DHRSX: variants seen among roughly 807,000 people sequenced by gnomAD.
The protein encoded by DHRSX is polyprenol dehydrogenase.
Under a neutral mutation model 34.0 loss-of-function variants are expected in DHRSX, and 31 were observed. The observed-to-expected ratio is 0.91, with a 90% CI of 0.69 to 1.23. The LOEUF is 1.23. Ranked by LOEUF, DHRSX falls within the 50% of genes most tolerant of loss-of-function variation. DHRSX has a pLI of 0.00. For missense variants in DHRSX, 414 were observed against 428.1 expected (o/e 0.97, Z 0.29); for synonymous variants, 201 against 183.8 (o/e 1.09, Z -0.76).
chrX:2,291,745 G>T, intron 3 of DHRSX, 142 bp from the exon 4 acceptor site: 1 of 668,764 alleles, frequency 1.5e-6, no homozygotes, highest in Non-Finnish European at 2.7e-6. Flanking sequence ...ATGGAGTCTC[G>T]CTCTGTTGAC....
chrX:2,472,172 C>T (rs2124009589), intron 1 of DHRSX, among the ~76,000 whole-genome samples: 1 of 151,124 alleles, frequency 6.6e-6, no homozygotes, highest in African/African-American at 2.4e-5. Flanking sequence ...GGATGATGTC[C>T]TTTGCAGGAA....
At position 2,464,909 on chromosome X, in the gene DHRSX, G is replaced by T. The variant is rs183586976; in HGVS notation, c.109+35908C>A. Among the ~76,000 whole-genome samples the T allele has an allele frequency of 2.0e-5, 3 of 150,978 alleles. No homozygotes were observed. The South Asian group carries it at 6.3e-4, about 32-fold the overall frequency. ...GGACTGATACCATGTGCACAATGAA[G>T]ATGTTCCCTAACCATAGGCCAACAG... On this transcript the variant is annotated intron_variant, in intron 1 of 6. Transcript: ENST00000334651.
At chrX:2,382,847 CATT>C (rs1178902444) in intron 3 of DHRSX, among the ~76,000 whole-genome samples, 26 of 125,472 alleles carry the variant, frequency 2.1e-4, no homozygotes, top group Admixed American at 1.0e-3. Context: ...TCGCCATCAT[CATT>C]ATCACCATCA....
At chrX:2,459,602 TACAC>T (rs1207047065) in intron 1 of DHRSX, among the ~76,000 whole-genome samples, 3 of 148,948 alleles carry the variant, frequency 2.0e-5, no homozygotes, top group African/African-American at 7.3e-5. Flanking sequence ...AATATATATA[TACAC>T]ACACACACAA....
At chrX:2,305,166 G>T (rs1245430849) in intron 3 of DHRSX, among the ~76,000 whole-genome samples, 1 of 148,720 alleles carries the variant, frequency 6.7e-6, no homozygotes, top group Non-Finnish European at 1.5e-5. Context: ...AGAACACATG[G>T]ATACAGGGAG....
At chrX:2,314,021 G>A (rs2042195429) in intron 3 of DHRSX, among the ~76,000 whole-genome samples, 1 of 151,584 alleles carries the variant, frequency 6.6e-6, no homozygotes, top group Non-Finnish European at 1.5e-5. Flanking sequence ...AAAGGATTGT[G>A]GGAACCAAGT....
chrX:2,316,119 CCA>C (rs1367891246), intron 3 of DHRSX, among the ~76,000 whole-genome samples: 1 of 152,080 alleles, frequency 6.6e-6, no homozygotes, highest in Non-Finnish European at 1.5e-5. Flanking sequence ...GCCTTGGCCT[CCA>C]AAAGTGCTGG....
intron 1 of DHRSX, among the ~76,000 whole-genome samples, chrX:2,470,320 G>A (rs1174720059): frequency 2.6e-5 from 4 of 151,422 alleles, no homozygotes; most frequent in African/African-American, 7.3e-5. Flanking sequence ...ACTGTGCTAT[G>A]GAAGGCTGAG....
At chrX:2,498,625 G>GAAAAA (rs10624636) in intron 1 of DHRSX, among the ~76,000 whole-genome samples, 6 of 128,756 alleles carry the variant, frequency 4.7e-5, no homozygotes, top group East Asian at 4.6e-4. Context: ...CAGTAAATGG[G>GAAAAA]AAAAAAAAAA....
chrX:2,316,897 T>C (rs1016874253), intron 3 of DHRSX, among the ~76,000 whole-genome samples: 43 of 152,168 alleles, frequency 2.8e-4, no homozygotes, highest in Non-Finnish European at 4.4e-4. Flanking sequence ...TTTGCCACGG[T>C]TGAGAATGTG....
At chrX:2,265,612 G>T (rs187616580) in intron 5 of DHRSX, among the ~76,000 whole-genome samples, 1,299 of 124,746 alleles carry the variant, frequency 0.01, 30 homozygotes, top group African/African-American at 0.036. Flanking sequence ...AGCAGACGCA[G>T]GGAGCACTGT....
intron 1 of DHRSX, among the ~76,000 whole-genome samples, chrX:2,491,092 CAG>C (rs1278981416): frequency 9.0e-6 from 1 of 111,436 alleles, no homozygotes; most frequent in Non-Finnish European, 1.7e-5. Context: ...TTTTTTGAGA[CAG>C]AGTTTCGCTC....
intron 1 of DHRSX, among the ~76,000 whole-genome samples, chrX:2,498,848 G>T (rs536911974): frequency 5.3e-5 from 8 of 152,030 alleles, no homozygotes; most frequent in Non-Finnish European, 1.0e-4. Flanking sequence ...GCTGTAAACC[G>T]TTCACCTTGC....
At chrX:2,455,983 C>T (rs931506089) in intron 1 of DHRSX, among the ~76,000 whole-genome samples, 1 of 152,028 alleles carries the variant, frequency 6.6e-6, no homozygotes, top group African/African-American at 2.4e-5. Context: ...AATAAGACAC[C>T]TGGCTCCGTC....
chrX:2,468,646 T>C (rs1367212923), intron 1 of DHRSX, among the ~76,000 whole-genome samples: 2 of 150,986 alleles, frequency 1.3e-5, no homozygotes, highest in Non-Finnish European at 2.9e-5. Context: ...CTGAAGACAT[T>C]CCCTAAGAAT....
At chrX:2,483,138 G>A (rs953261549) in intron 1 of DHRSX, among the ~76,000 whole-genome samples, 2 of 152,018 alleles carry the variant, frequency 1.3e-5, no homozygotes, top group Non-Finnish European at 2.9e-5. Flanking sequence ...CAGGCTGCAC[G>A]ACAGTGATGC....
chrX:2,246,642 C>CAGAG (rs2016289574), intron 5 of DHRSX, among the ~76,000 whole-genome samples: 1 of 84,218 alleles, frequency 1.2e-5, no homozygotes, highest in African/African-American at 4.5e-5. Context: ...GAAAGAAAGA[C>CAGAG]AGAAAGAGAG....
intron 6 of DHRSX, among the ~76,000 whole-genome samples, chrX:2,229,687 G>A (rs1464064765): frequency 6.6e-6 from 1 of 152,114 alleles, no homozygotes; most frequent in Non-Finnish European, 1.5e-5. Context: ...ATGTGCACGT[G>A]CATGAATGCA....
intron 4 of DHRSX, among the ~76,000 whole-genome samples, chrX:2,271,762 G>A (rs1398767443): frequency 2.0e-5 from 3 of 152,098 alleles, no homozygotes; most frequent in South Asian, 2.1e-4. Flanking sequence ...AAAAAAGCCC[G>A]GCCCGGTGGG....
Sources: gnomAD v4.1 joint callset for allele counts (sites outside exome capture counted in the v4.1 genomes callset) on GRCh38, gnomAD v4.1.1 for gene constraint, MANE v1.5 for transcripts, NCBI Gene and HGNC (gene_info 2026-07-23, HGNC 2026-07-21) for gene names.